Variants in PAPPA2 observed in about 807,000 individuals in gnomAD.
PAPPA2 encodes the protein pappalysin-2.
A neutral mutation model predicts 176.4 loss-of-function variants in PAPPA2; 86 were observed. That is an observed-to-expected ratio of 0.49 (90% CI 0.41 to 0.58). The LOEUF is 0.58. PAPPA2 is among the 20% of genes least tolerant of loss of function. PAPPA2 has a pLI of 0.00. For synonymous variants in PAPPA2, 809 were observed against 852.2 expected (o/e 0.95, Z 0.88); for missense variants, 2,073 against 2,256.9 (o/e 0.92, Z 1.65).
At chr1:176,754,017 G>GTTTT (rs143392724) in intron 14 of PAPPA2, among the ~76,000 whole-genome samples, 1 of 136,668 alleles carries the variant, frequency 7.3e-6, no homozygotes. Context: ...CTTTTCAACT[G>GTTTT]TTTTTTTTTT....
At chr1:176,798,014 C>T (rs1054652294) in intron 20 of PAPPA2, among the ~76,000 whole-genome samples, 1 of 152,150 alleles carries the variant, frequency 6.6e-6, no homozygotes, top group African/African-American at 2.4e-5. Context: ...GCTAGATAGT[C>T]CCTATTCTAA....
chr1:176,669,633 G>T (rs184754991), intron 3 of PAPPA2, among the ~76,000 whole-genome samples: 4 of 152,262 alleles, frequency 2.6e-5, no homozygotes, highest in Non-Finnish European at 4.4e-5. Flanking sequence ...GTCAGTAAAA[G>T]ATAGTATTTT....
At chr1:176,610,179 T>C (rs766118657) in intron 3 of PAPPA2, among the ~76,000 whole-genome samples, 4 of 151,886 alleles carry the variant, frequency 2.6e-5, no homozygotes, top group Non-Finnish European at 5.9e-5. Flanking sequence ...TTCAGGAAGA[T>C]TTATTGTTCA....
intron 14 of PAPPA2, among the ~76,000 whole-genome samples, chr1:176,762,854 G>A (rs974918538): frequency 2.6e-5 from 4 of 152,042 alleles, no homozygotes; most frequent in Non-Finnish European, 5.9e-5. Context: ...GTCTCATAAT[G>A]GATACTTCAT....
intron 1 of PAPPA2, among the ~76,000 whole-genome samples, chr1:176,546,277 C>T (rs967222379): frequency 6.6e-6 from 1 of 152,150 alleles, no homozygotes; most frequent in Non-Finnish European, 1.5e-5. Context: ...ATATCCATCT[C>T]ACCTCACTGC....
At chr1:176,662,288 G>A (rs1343036335) in intron 3 of PAPPA2, among the ~76,000 whole-genome samples, 1 of 152,122 alleles carries the variant, frequency 6.6e-6, no homozygotes, top group Non-Finnish European at 1.5e-5. Context: ...AGATTTACAT[G>A]AGAAAATATA....
At chr1:176,552,782 G>A (rs1359739201) in intron 1 of PAPPA2, among the ~76,000 whole-genome samples, 1 of 152,088 alleles carries the variant, frequency 6.6e-6, no homozygotes, top group Non-Finnish European at 1.5e-5. Context: ...GGGGCCTCCT[G>A]CATTTGCTGG....
At chr1:176,520,917 C>A (rs1649179676) in intron 1 of PAPPA2, among the ~76,000 whole-genome samples, 1 of 151,874 alleles carries the variant, frequency 6.6e-6, no homozygotes, top group African/African-American at 2.4e-5. Flanking sequence ...GGGTTTAAGG[C>A]CATCCTGGGT....
chr1:176,637,724 G>C (rs1656806374), intron 3 of PAPPA2, among the ~76,000 whole-genome samples: 1 of 152,060 alleles, frequency 6.6e-6, no homozygotes, highest in Non-Finnish European at 1.5e-5. Flanking sequence ...TGTTTTGCAT[G>C]GGTACTATTG....
intron 3 of PAPPA2, among the ~76,000 whole-genome samples, chr1:176,628,480 C>A (rs1656157417): frequency 6.6e-6 from 1 of 152,018 alleles, no homozygotes; most frequent in Non-Finnish European, 1.5e-5. Context: ...CTCTAAAGGA[C>A]TTTATAATCC....
chr1:176,695,162 G>T (rs993906461), intron 6 of PAPPA2, among the ~76,000 whole-genome samples: 22 of 152,218 alleles, frequency 1.4e-4, no homozygotes, highest in African/African-American at 5.3e-4. Flanking sequence ...ACTGCAGTAG[G>T]TGAGGCTGGA....
intron 1 of PAPPA2, among the ~76,000 whole-genome samples, chr1:176,553,270 A>C (rs1191875999): frequency 4.0e-5 from 1 of 24,944 alleles, no homozygotes; most frequent in East Asian, 1.1e-3. Context: ...GGAAGAGAGG[A>C]GGGGGGCTGA....
At chr1:176,761,358 T>G (rs1040376980) in intron 14 of PAPPA2, among the ~76,000 whole-genome samples, 5 of 152,142 alleles carry the variant, frequency 3.3e-5, no homozygotes, top group Non-Finnish European at 7.3e-5. Flanking sequence ...GAATCATATC[T>G]GACAAGGTAC....
chr1:176,840,066 G>A (rs1023399057), intron 21 of PAPPA2, 107 bp from the exon 22 acceptor site: 21 of 896,272 alleles, frequency 2.3e-5, no homozygotes, highest in Middle Eastern at 2.3e-4. Context: ...GTGCTTTTCT[G>A]TAATATCTCT....
intron 14 of PAPPA2, among the ~76,000 whole-genome samples, chr1:176,743,764 A>T (rs1003819875): frequency 1.3e-5 from 2 of 152,226 alleles, no homozygotes; most frequent in African/African-American, 4.8e-5. Flanking sequence ...GTTTAACAGC[A>T]GGCAAGAATT....
At chr1:176,700,178 T>A (rs1214130912) in intron 8 of PAPPA2, among the ~76,000 whole-genome samples, 1 of 152,310 alleles carries the variant, frequency 6.6e-6, no homozygotes, top group Non-Finnish European at 1.5e-5. Flanking sequence ...CTACATTTAG[T>A]GAGTTCTACT....
chr1:176,692,060 C>T (rs1038920704), intron 5 of PAPPA2, 66 bp from the exon 6 acceptor site: 7 of 1,452,814 alleles, frequency 4.8e-6, no homozygotes, highest in Admixed American at 1.9e-5. Flanking sequence ...ACAAATTTAT[C>T]CCTGCCTTGG....
At chr1:176,773,591 T>C (rs1664327609) in intron 17 of PAPPA2, among the ~76,000 whole-genome samples, 1 of 152,200 alleles carries the variant, frequency 6.6e-6, no homozygotes, top group African/African-American at 2.4e-5. Context: ...AACATCCATG[T>C]ATCTCAGTTT....
chr1:176,688,170 A>C (rs1258936634), intron 4 of PAPPA2, among the ~76,000 whole-genome samples: 1 of 152,232 alleles, frequency 6.6e-6, no homozygotes, highest in Non-Finnish European at 1.5e-5. Flanking sequence ...GTGGTGGGAA[A>C]GAAAGGAAAG....
Sources: gnomAD v4.1 joint callset for allele counts (sites outside exome capture counted in the v4.1 genomes callset) on GRCh38, gnomAD v4.1.1 for gene constraint, MANE v1.5 for transcripts, NCBI Gene and HGNC (gene_info 2026-07-23, HGNC 2026-07-21) for gene names.